Variants in ME2 observed in about 807,000 individuals in gnomAD.
The protein encoded by ME2 is NAD-dependent malic enzyme, mitochondrial.
ME2 carries 60 observed loss-of-function variants against 73.7 expected under a neutral mutation model. That is an observed-to-expected ratio of 0.81 (90% CI 0.66 to 1.01). The LOEUF (loss-of-function observed/expected upper bound fraction) is 1.01, where lower values mean the gene tolerates loss of function less well. Among genes scored for constraint, ME2 ranks in the 50% least tolerant of loss-of-function variants. The pLI is 0.00. For missense variants in ME2, 594 were observed against 705.5 expected (o/e 0.84, Z 1.79); for synonymous variants, 199 against 236.9 (o/e 0.84, Z 1.47).
At chr18:50,941,687 T>TTG (rs1208680773) in intron 15 of ME2, among the ~76,000 whole-genome samples, 1 of 150,810 alleles carries the variant, frequency 6.6e-6, no homozygotes, top group African/African-American at 2.4e-5. Context: ...TGATGGTTTT[T>TTG]TTTTTTTTTG....
Position 50,930,829 on chromosome 18 carries a change from A to ATCT in ME2, c.1315-1429_1315-1428insTCT, listed in dbSNP as rs1270353172. Among the ~76,000 whole-genome samples the ATCT allele has an allele frequency of 1.1e-4, 16 of 152,366 alleles. No homozygotes were observed. The South Asian group carries it at 3.1e-3, about 30-fold the overall frequency. On this transcript the variant is annotated intron_variant, in intron 12 of 15. Coordinates refer to ENST00000321341, the MANE Select transcript of ME2 (RefSeq NM_002396.5). ...AACTAACCTTAATCATCAAAGAAAC[A>ATCT]AAATTTTTAGTCACAAGTAATGTTT...
At position 50,948,088 on chromosome 18, in the gene ME2, C is replaced by G. The variant is rs1918131371; in HGVS notation, c.*904C>G. On this transcript the variant is annotated 3_prime_UTR_variant, in exon 16 of 16. Coordinates refer to ENST00000321341, the MANE Select transcript of ME2 (RefSeq NM_002396.5). ...GTCATATTTAACTGGAGAAACTATG[C>G]CCTTATTCCAGAACTGATGCTCTTT... The G allele has an allele frequency of 6.6e-6, 1 of 152,148 alleles. No homozygotes were observed. The highest frequency in any genetic ancestry group is 1.9e-4 in the East Asian group (1 of 5,194). 9.4% of individuals were successfully genotyped at this position (152,148 alleles called of 1,614,324 possible).
intron 3 of ME2, among the ~76,000 whole-genome samples, chr18:50,909,046 C>A (rs534627753): frequency 6.6e-6 from 1 of 151,898 alleles, no homozygotes; most frequent in Admixed American, 6.6e-5. Flanking sequence ...CTCTGCCTCC[C>A]GGGCTCAAGC....
chr18:50,924,190 A>G lies in ME2; in HGVS notation c.1149A>G (p.Ile383Met). 1 of 1,610,458 alleles carries G rather than the reference A, an allele frequency of 6.2e-7. No homozygotes were observed. Among genetic ancestry groups the G allele is most frequent in the Non-Finnish European group, 8.5e-7 (1 of 1,178,002 alleles). The change falls in exon 11 of 16, where the codon ATA becomes ATG. Residue 383 changes from isoleucine (I) to methionine (M), a missense_variant. Transcript: ENST00000321341. Reference sequence around the variant, plus strand: ...ATACTTTTGAAGATGCAGTGAATATACTGAAGCCTTCAACTATAATTGGTA... The same window carrying G: ...ATACTTTTGAAGATGCAGTGAATATGCTGAAGCCTTCAACTATAATTGGTA... Reference protein sequence around the residue: ...IPDTFEDAVNILKPSTIIGVA... With the variant: ...IPDTFEDAVNMLKPSTIIGVA...
chr18:50,880,124 T>G (rs1278521354), intron 1 of ME2, among the ~76,000 whole-genome samples: 1 of 152,210 alleles, frequency 6.6e-6, no homozygotes, highest in Non-Finnish European at 1.5e-5. Context: ...GTGTTGCAGT[T>G]GATAACGATA....
At chr18:50,922,544 G>GTTTGGTACTTC (rs1436880919) in intron 10 of ME2, among the ~76,000 whole-genome samples, 4 of 152,194 alleles carry the variant, frequency 2.6e-5, no homozygotes, top group Non-Finnish European at 5.9e-5. Context: ...TACACAGTTA[G>GTTTGGTACTTC]TTTGGTACTT....
At position 50,908,213 on chromosome 18, in the gene ME2, T is replaced by C. The variant is rs778568325; in HGVS notation, c.242+17T>C. On this transcript the variant is annotated intron_variant, in intron 3 of 15. Transcript: ENST00000321341. ...TTTGGAAAAGTAAGAGTTGCTTAGA[T>C]GTTTCTTTTTTTATTGGTATTCTGA... is the stretch of plus-strand genomic sequence containing the variant. 5.8e-6 allele frequency: 9 copies of C among 1,554,972 alleles called. No homozygotes were observed. Among genetic ancestry groups the C allele is most frequent in the Non-Finnish European group, 7.8e-6 (9 of 1,153,598 alleles).
At position 50,916,265 on chromosome 18, in the gene ME2, T is replaced by A. The variant is rs1318727499; in HGVS notation, c.468+22T>A. 4 of 1,548,746 alleles carry A rather than the reference T, an allele frequency of 2.6e-6. No homozygotes were observed. In the South Asian group the frequency reaches 4.6e-5, roughly 18 times the overall value. ...TAAGGTACTAATAGCACAACCCTCCTTTTCACAATGTTTTCTCTTTTCTTG... is the reference window on the plus strand; with the variant it reads ...TAAGGTACTAATAGCACAACCCTCCATTTCACAATGTTTTCTCTTTTCTTG... On this transcript the variant is annotated intron_variant, in intron 5 of 15. Transcript: ENST00000321341.
At chr18:50,923,361 T>A (rs1599112603) in intron 10 of ME2, among the ~76,000 whole-genome samples, 1 of 152,362 alleles carries the variant, frequency 6.6e-6, no homozygotes, top group African/African-American at 2.4e-5. Flanking sequence ...CCTTTTGTAC[T>A]TGATGTGACT....
At chr18:50,897,598 T>C (rs1246871831) in intron 2 of ME2, among the ~76,000 whole-genome samples, 2 of 151,498 alleles carry the variant, frequency 1.3e-5, no homozygotes, top group East Asian at 1.9e-4. Context: ...TGGTGGCTTA[T>C]GCCTGTAATC....
At chr18:50,913,751 A>C (rs951280331) in intron 4 of ME2, among the ~76,000 whole-genome samples, 7 of 152,028 alleles carry the variant, frequency 4.6e-5, no homozygotes, top group Non-Finnish European at 7.4e-5. Context: ...GAGTCGCGTG[A>C]TCCCCATGAA....
At position 50,922,351 on chromosome 18, in the gene ME2, A is replaced by T. The variant is rs376789265; in HGVS notation, c.1056+1164A>T. On this transcript the variant is annotated intron_variant, in intron 10 of 15. Coordinates refer to ENST00000321341, the MANE Select transcript of ME2 (RefSeq NM_002396.5). ...GTCGAGGGAGTTTTCCAAAGTCATCAGCTTATAAGTGACGGAGGTAGGATT... is the reference window on the plus strand; with the variant it reads ...GTCGAGGGAGTTTTCCAAAGTCATCTGCTTATAAGTGACGGAGGTAGGATT... Among the ~76,000 whole-genome samples the T allele has an allele frequency of 1.9e-4, 29 of 152,344 alleles. No individual in the cohort carries two copies. The South Asian group carries it at 5.8e-3, about 30-fold the overall frequency.
intron 15 of ME2, 50 bp downstream of exon 15, chr18:50,940,436 A>G: frequency 3.5e-6 from 4 of 1,156,672 alleles, no homozygotes; most frequent in Non-Finnish European, 5.1e-6. Context: ...ACATTTTCTT[A>G]TACAAGAAAT....
intron 2 of ME2, among the ~76,000 whole-genome samples, chr18:50,907,466 C>T (rs1172977765): frequency 6.6e-6 from 1 of 152,166 alleles, no homozygotes; most frequent in African/African-American, 2.4e-5. Context: ...AAAAGATTTT[C>T]CAAAGGCCTT....
chr18:50,943,346 T>G (rs990575450), intron 15 of ME2, among the ~76,000 whole-genome samples: 1 of 151,972 alleles, frequency 6.6e-6, no homozygotes, highest in Non-Finnish European at 1.5e-5. Context: ...GTCACCCAGG[T>G]TGGAGTGCAG....
At position 50,949,225 on chromosome 18, in the gene ME2, G is replaced by A. The variant is rs1281394705; in HGVS notation, c.*2041G>A. 1 of 152,180 alleles carries A rather than the reference G, an allele frequency of 6.6e-6. No homozygotes were observed. The highest frequency in any genetic ancestry group is 6.5e-5 in the Admixed American group (1 of 15,278). The allele number at this position is 152,180 out of a possible 1,614,324, so 9.4% of individuals were successfully genotyped here. ...ATTTGGAGTATGGGAAAATGCAGTTGGTTAATTCATTGAACAGATTAGTAA... is the reference window on the plus strand; with the variant it reads ...ATTTGGAGTATGGGAAAATGCAGTTAGTTAATTCATTGAACAGATTAGTAA... On this transcript the variant is annotated 3_prime_UTR_variant, in exon 16 of 16. Coordinates refer to ENST00000321341, the MANE Select transcript of ME2 (RefSeq NM_002396.5).
chr18:50,908,292 A>G (rs1415744805), intron 3 of ME2, 96 bp downstream of exon 3: 1 of 877,142 alleles, frequency 1.1e-6, no homozygotes, highest in African/African-American at 1.7e-5. Flanking sequence ...ACACAATCTT[A>G]TATAAGTTTG....
At chr18:50,904,838 C>G (rs553328577) in intron 2 of ME2, among the ~76,000 whole-genome samples, 24 of 151,766 alleles carry the variant, frequency 1.6e-4, no homozygotes, top group African/African-American at 5.6e-4. Flanking sequence ...AGTTGTTGAG[C>G]TTACTGGATG....
Position 50,949,778 on chromosome 18 carries a change from A to T in ME2, c.*2594A>T, listed in dbSNP as rs1055750700. The T allele has an allele frequency of 3.9e-5, 6 of 152,222 alleles. No individual in the cohort carries two copies. Among genetic ancestry groups the T allele is most frequent in the Admixed American group, 3.3e-4 (5 of 15,282 alleles). 9.4% of individuals were successfully genotyped at this position (152,222 alleles called of 1,614,324 possible). A position where few individuals can be genotyped will look rare whatever the true frequency, so the allele number is the denominator to read the frequency against. ...GCATATAGCCTGCTTAAATAAAATA[A>T]TTCTATTTTTTTAAAAAGCTCCCAA... On this transcript the variant is annotated 3_prime_UTR_variant, in exon 16 of 16. Transcript: ENST00000321341.
Sources: allele counts gnomAD v4.1 joint callset (sites outside exome capture counted in the v4.1 genomes callset), GRCh38; gene constraint gnomAD v4.1.1; transcripts MANE v1.5; gene names NCBI Gene and HGNC (gene_info 2026-07-23, HGNC 2026-07-21).